ABCB8: variants seen among roughly 807,000 people sequenced by gnomAD.
ABCB8 encodes ATP binding cassette subfamily B member 8, also known as mitochondrial potassium channel ATP-binding subunit.
A neutral mutation model predicts 73.0 loss-of-function variants in ABCB8; 52 were observed. The ratio of observed to expected loss-of-function variants is 0.71; its 90% CI spans 0.57 to 0.90. The LOEUF (loss-of-function observed/expected upper bound fraction) is 0.90, where lower values mean the gene tolerates loss of function less well. Among genes scored for constraint, ABCB8 ranks in the 40% least tolerant of loss-of-function variants. The pLI, the probability that ABCB8 is intolerant of heterozygous loss-of-function variation, is 0.00. For missense variants in ABCB8, 909 were observed against 974.6 expected (o/e 0.93, Z 0.90); for synonymous variants, 428 against 423.5 (o/e 1.01, Z -0.13).
chr7:151,036,127 C>T lies in ABCB8; in HGVS notation c.1068C>T (p.Arg356=), dbSNP rs748330890. 18 of 1,613,326 alleles carry T rather than the reference C, an allele frequency of 1.1e-5. No individual in the cohort carries two copies. Among genetic ancestry groups the T allele is most frequent in the Middle Eastern group, 1.6e-4 (1 of 6,082 alleles). ...ACRCRAEELG[R]GIALFQGLSN... is the part of the protein sequence containing the mutation. ...GCTGCCGGGCAGAGGAGCTGGGCCG[C>T]GGCATCGCCTTGTTCCAAGGGCTTT... is the stretch of plus-strand genomic sequence containing the variant. The change falls in exon 8 of 16, where the codon CGC becomes CGT. Residue 356 remains arginine, a synonymous_variant. Transcript: ENST00000358849.
At position 151,036,669 on chromosome 7, in the gene ABCB8, A is replaced by G. The variant is rs200382073; in HGVS notation, c.1217+20A>G. 16 of 1,569,690 alleles carry G rather than the reference A, an allele frequency of 1.0e-5. No individual in the cohort carries two copies. Among genetic ancestry groups the G allele is most frequent in the Middle Eastern group, 1.7e-4 (1 of 5,836 alleles). ...GCAAAGGTAAGTGGGGGCCGTTCCC[A>G]TTGCTACAGAGCCCCCTGCCGCCCT... On this transcript the variant is annotated intron_variant, in intron 9 of 15. Coordinates refer to ENST00000358849, the MANE Select transcript of ABCB8 (RefSeq NM_007188.5).
Position 151,040,809 on chromosome 7 carries a change from G to T in ABCB8, c.1389-19G>T, listed in dbSNP as rs377179781. The T allele has an allele frequency of 4.4e-6, 7 of 1,586,440 alleles. No individual in the cohort carries two copies. Among genetic ancestry groups the T allele is most frequent in the Non-Finnish European group, 6.0e-6 (7 of 1,166,488 alleles). ...GGCTGGGAGCCTGGTCTGACTGGGG[G>T]TCTCTCGGCTCCTCCCAGCTACCCC... On this transcript the variant is annotated intron_variant, in intron 11 of 15. Transcript: ENST00000358849.
Position 151,040,111 on chromosome 7 carries a change from C to T in ABCB8, c.1218-157C>T, listed in dbSNP as rs75146670. 2,088 of 772,142 alleles carry T rather than the reference C, an allele frequency of 2.7e-3. 38 individuals carry two copies. The African/African-American group carries it at 0.033, about 12-fold the overall frequency. 47.8% of individuals were successfully genotyped at this position (772,142 alleles called of 1,614,324 possible). A position where few individuals can be genotyped will look rare whatever the true frequency, so the allele number is the denominator to read the frequency against. On this transcript the variant is annotated intron_variant, in intron 9 of 15. Transcript: ENST00000358849. ...AGGGCTCAGCGATCTGGTGTTGCTA[C>T]GTCCCAGGGCTCTACGCCCCCATGG...
chr7:151,041,276 T>C, intron 13 of ABCB8, 44 bp downstream of exon 13: 1 of 1,560,594 alleles, frequency 6.4e-7, no homozygotes, highest in Non-Finnish European at 8.6e-7. Context: ...CTGCCCGTCC[T>C]CCCCTGGGCC....
intron 14 of ABCB8, among the ~76,000 whole-genome samples, chr7:151,042,797 A>C (rs1796504109): frequency 6.6e-6 from 1 of 152,206 alleles, no homozygotes; most frequent in Non-Finnish European, 1.5e-5. Context: ...GGTCAGTCTG[A>C]GTCCAGCCTT....
At position 151,045,487 on chromosome 7, in the gene ABCB8, A is replaced by T; in HGVS notation, c.*138A>T. 8.9e-7 allele frequency: 1 copy of T among 1,126,772 alleles called. No individual in the cohort carries two copies. Among genetic ancestry groups the T allele is most frequent in the Non-Finnish European group, 1.2e-6 (1 of 868,634 alleles). 69.8% of individuals were successfully genotyped at this position (1,126,772 alleles called of 1,614,324 possible). ...GCTGCGGCTGCTCCTGCTCACAATA[A>T]AGCCGGGGCCGAGCAGCTGGCAGGG... On this transcript the variant is annotated 3_prime_UTR_variant, in exon 16 of 16. Transcript: ENST00000358849.
rs1030036215 is a variant in ABCB8, at chr7:151,046,467, T to G, written c.*1118T>G. ...TGAGGGGCCTGGAAAGGCACACAAG[T>G]AGGTCCTTGGCTGAACTGGTGCCCC... On this transcript the variant is annotated 3_prime_UTR_variant, in exon 16 of 16. Coordinates refer to ENST00000358849, the MANE Select transcript of ABCB8 (RefSeq NM_007188.5). 15 of 152,388 alleles carry G rather than the reference T, an allele frequency of 9.8e-5. No individual in the cohort carries two copies. The East Asian group carries it at 2.7e-3, about 27-fold the overall frequency. 9.4% of individuals were successfully genotyped at this position (152,388 alleles called of 1,614,324 possible).
intron 1 of ABCB8, chr7:151,028,873 C>G: frequency 6.6e-7 from 1 of 1,523,468 alleles, no homozygotes; most frequent in Non-Finnish European, 8.8e-7. Flanking sequence ...ACGCCCAGTC[C>G]GCACTCCCGA....
At position 151,033,672 on chromosome 7, in the gene ABCB8, G is replaced by GC. The variant is rs1796224359; in HGVS notation, c.166dup (p.His56ProfsTer31). ...GGCCCACCTGCGGTCCCAGCTCTGG[G>GC]CCCACCTCCCTCGAGCCCCCCTAGC... On this transcript the variant is annotated frameshift_variant, in exon 2 of 16. Coordinates refer to ENST00000358849, the MANE Select transcript of ABCB8 (RefSeq NM_007188.5). LOFTEE classifies it high-confidence loss of function. The GC allele has an allele frequency of 6.2e-7, 1 of 1,611,036 alleles. No homozygotes were observed. Among genetic ancestry groups the GC allele is most frequent in the Non-Finnish European group, 8.5e-7 (1 of 1,178,378 alleles).
intron 9 of ABCB8, chr7:151,037,616 A>C: frequency 2.6e-6 from 1 of 379,538 alleles, no homozygotes; most frequent in Non-Finnish European, 5.0e-6. Context: ...GTCTCCACGA[A>C]CCGTGCATCA....
Position 151,034,391 on chromosome 7 carries a change from A to G in ABCB8, c.527A>G (p.Asn176Ser). The part of the protein sequence containing the change: ...HVGSFMTESQ[N>S]LSTHLLILYG... ...GGGAGTTTCATGACTGAGTCCCAGAATCTCAGCACCCACCTGCTTATCCTC... is the reference window on the plus strand; with the variant it reads ...GGGAGTTTCATGACTGAGTCCCAGAGTCTCAGCACCCACCTGCTTATCCTC... The change falls in exon 3 of 16, where the codon AAT becomes AGT. Residue 176 changes from asparagine (N) to serine (S), a missense_variant. Asn to Ser is a conservative substitution (Grantham distance 46). Transcript: ENST00000358849. 6.2e-7 allele frequency: 1 copy of G among 1,613,886 alleles called. No homozygotes were observed.
At chr7:151,030,924 AGT>A (rs1440516536) in intron 1 of ABCB8, among the ~76,000 whole-genome samples, 1 of 152,006 alleles carries the variant, frequency 6.6e-6, no homozygotes, top group Non-Finnish European at 1.5e-5. Flanking sequence ...GGGGCAAAAG[AGT>A]GAGACCCTGT....
At chr7:151,034,930 G>A in intron 5 of ABCB8, 101 bp downstream of exon 5, 2 of 1,044,154 alleles carry the variant, frequency 1.9e-6, no homozygotes, top group Admixed American at 2.4e-5. Flanking sequence ...TGGGCTGACA[G>A]GCGCATGCTG....
At chr7:151,028,751 C>G in intron 1 of ABCB8, 141 bp downstream of exon 1, 1 of 1,534,704 alleles carries the variant, frequency 6.5e-7, no homozygotes, top group Non-Finnish European at 8.7e-7. Context: ...GAATGTCACT[C>G]CGCGGGTGTT....
intron 9 of ABCB8, chr7:151,040,004 T>C (rs1204484293): frequency 2.1e-6 from 1 of 471,502 alleles, no homozygotes; most frequent in African/African-American, 2.0e-5. Flanking sequence ...TTCACTTCCA[T>C]TTCCTCGTGG....
In ABCB8 at chr7:151,034,804, C is replaced by A. The variant is rs778797027; in HGVS notation, c.740C>A (p.Ser247Ter). The A allele has an allele frequency of 3.7e-6, 6 of 1,613,812 alleles. No individual in the cohort carries two copies. The East Asian group carries it at 1.1e-4, about 30-fold the overall frequency. The part of the protein sequence containing the change: ...RLTTDVQEFK[S>*]SFKLVISQGL... ...ACAACTGACGTGCAGGAGTTTAAGT[C>A]ATCCTTCAAGCTTGTCATCTCCCAG... The change falls in exon 5 of 16, where the codon TCA becomes TAA. Residue 247 changes from serine to a stop codon, truncating the protein, a stop_gained. Transcript: ENST00000358849. LOFTEE classifies it high-confidence loss of function.
In ABCB8 at chr7:151,045,296, G is replaced by GC. The variant is rs1796584954; in HGVS notation, c.2108dup (p.Pro704ThrfsTer21). 1 of 1,600,892 alleles carries GC rather than the reference G, an allele frequency of 6.2e-7. No individual in the cohort carries two copies. Among genetic ancestry groups the GC allele is most frequent in the East Asian group, 2.3e-5 (1 of 43,300 alleles). ...GGCCCTGGATGCCCCGAGGACAGCG[G>GC]CCCCACCGCCCAAAAAGCCAGAAGG... is the stretch of plus-strand genomic sequence containing the variant. On this transcript the variant is annotated frameshift_variant, in exon 16 of 16. Coordinates refer to ENST00000358849, the MANE Select transcript of ABCB8 (RefSeq NM_007188.5). LOFTEE classifies it low-confidence loss of function (END_TRUNC).
At chr7:151,029,019 A>C in intron 1 of ABCB8, 3 of 1,189,304 alleles carry the variant, frequency 2.5e-6, no homozygotes, top group Non-Finnish European at 3.2e-6. Flanking sequence ...GATGTTCAGC[A>C]GGGATAAAGA....
At chr7:151,034,961 G>A in intron 5 of ABCB8, 132 bp downstream of exon 5, 3 of 750,662 alleles carry the variant, frequency 4.0e-6, no homozygotes, top group East Asian at 2.7e-5. Context: ...CCCACTGCCT[G>A]TGAGGGCATG....
Sources: gnomAD v4.1 joint callset for allele counts (sites outside exome capture counted in the v4.1 genomes callset) on GRCh38, gnomAD v4.1.1 for gene constraint, MANE v1.5 for transcripts, NCBI Gene and HGNC (gene_info 2026-07-23, HGNC 2026-07-21) for gene names.